QSOX2: variants seen among roughly 807,000 people sequenced by gnomAD.
QSOX2 encodes the protein sulfhydryl oxidase 2.
In QSOX2, 46 loss-of-function variants were observed where a neutral mutation model predicts 61.7. The observed-to-expected ratio is 0.75, with a 90% CI of 0.59 to 0.95. QSOX2 has a LOEUF of 0.95. Ranked by LOEUF, QSOX2 falls within the 40% of genes least tolerant of loss-of-function variation. The pLI, the probability that QSOX2 is intolerant of heterozygous loss-of-function variation, is 0.00. For synonymous variants in QSOX2, 383 were observed against 388.4 expected (o/e 0.99, Z 0.16); for missense variants, 879 against 918.9 (o/e 0.96, Z 0.56).
intron 1 of QSOX2, among the ~76,000 whole-genome samples, chr9:136,244,509 AAG>A (rs1246708866): frequency 2.0e-5 from 3 of 152,254 alleles, no homozygotes; most frequent in East Asian, 1.9e-4. Context: ...TGCAGGAAGA[AAG>A]AGTAGCAATT....
At chr9:136,237,620 A>G (rs1242125460) in intron 1 of QSOX2, among the ~76,000 whole-genome samples, 11 of 118,560 alleles carry the variant, frequency 9.3e-5, no homozygotes, top group African/African-American at 2.0e-4. Flanking sequence ...ATCCTGGGCC[A>G]GCGTCACCTG....
At chr9:136,232,721 C>T (rs1440686025) in intron 1 of QSOX2, among the ~76,000 whole-genome samples, 3 of 151,736 alleles carry the variant, frequency 2.0e-5, no homozygotes, top group Non-Finnish European at 4.4e-5. Flanking sequence ...ATCACTTGAG[C>T]CCAGGAGTTT....
chr9:136,237,044 C>A (rs1256029289), intron 1 of QSOX2, among the ~76,000 whole-genome samples: 2 of 138,290 alleles, frequency 1.4e-5, no homozygotes, highest in Non-Finnish European at 3.1e-5. Flanking sequence ...TCCTGTGCCA[C>A]ACCTGGTGCC....
At chr9:136,245,455 C>A in intron 1 of QSOX2, 21 bp downstream of exon 1, 1 of 1,575,004 alleles carries the variant, frequency 6.3e-7, no homozygotes, top group Non-Finnish European at 8.6e-7. Context: ...CGGGGGGTCC[C>A]CGCGCGGGGG....
At chr9:136,220,173 A>G in intron 6 of QSOX2, among the ~76,000 whole-genome samples, 1 of 152,218 alleles carries the variant, frequency 6.6e-6, no homozygotes, top group Admixed American at 6.5e-5. Flanking sequence ...ATGTAGCCAC[A>G]GACATACTCC....
chr9:136,224,639 A>G (rs1254024226), intron 3 of QSOX2, among the ~76,000 whole-genome samples: 2 of 152,222 alleles, frequency 1.3e-5, no homozygotes, highest in African/African-American at 4.8e-5. Flanking sequence ...TTACTCTGAA[A>G]AAGTTTTTAC....
chr9:136,235,902 C>T (rs1313959646), intron 1 of QSOX2, among the ~76,000 whole-genome samples: 7 of 152,196 alleles, frequency 4.6e-5, no homozygotes, highest in South Asian at 4.1e-4. Context: ...TTTTCATCAG[C>T]GACACTCTCT....
intron 8 of QSOX2, among the ~76,000 whole-genome samples, 194 bp downstream of exon 8, chr9:136,218,485 T>C (rs945523258): frequency 1.3e-5 from 2 of 152,230 alleles, no homozygotes; most frequent in Non-Finnish European, 2.9e-5. Flanking sequence ...GCCCCAGTGC[T>C]GGGAACAGCA....
intron 1 of QSOX2, among the ~76,000 whole-genome samples, chr9:136,241,970 C>G (rs930661003): frequency 2.0e-5 from 3 of 152,242 alleles, no homozygotes; most frequent in African/African-American, 7.2e-5. Context: ...TTTCGGAGAT[C>G]TCACCGGTCA....
intron 8 of QSOX2, among the ~76,000 whole-genome samples, chr9:136,217,949 G>A (rs1264594665): frequency 6.6e-6 from 1 of 152,248 alleles, no homozygotes; most frequent in Non-Finnish European, 1.5e-5. Flanking sequence ...AAATCACTTT[G>A]TAAGTAAACT....
rs1830467313 is a variant in QSOX2, at chr9:136,245,611, C to T, written c.193G>A (p.Val65Met). The T allele has an allele frequency of 4.5e-6, 7 of 1,551,982 alleles. No homozygotes were observed. The highest frequency in any genetic ancestry group is 1.2e-5 in the South Asian group (1 of 86,662). ...LYRAGEDAVW[V>M]LDSGSVRGAT... is the part of the protein sequence containing the mutation. The stretch of plus-strand genomic sequence containing the variant: ...CCGCGCACGCTGCCGCTGTCCAGCA[C>T]CCACACGGCGTCCTCGCCCGCGCGG... Residue 65 changes from valine (V) to methionine (M), a missense_variant, in exon 1 of 12, where the codon GTG becomes ATG. By Grantham distance (21) the Val-to-Met change is conservative. Transcript: ENST00000358701.
chr9:136,209,994 C>T lies in QSOX2; in HGVS notation c.1550-719G>A. ...CTGACACCTGGCCACCCTCACAGAG[C>T]TTCCAGAAGTGAATGTAAACACAAC... On this transcript the variant is annotated intron_variant, in intron 11 of 11. Transcript: ENST00000358701. The surrounding 1 kb of genome is among the most constrained non-coding windows in gnomAD (Gnocchi z 5.6). 1.0e-6 allele frequency: 1 copy of T among 985,456 alleles called. No homozygotes were observed. Among genetic ancestry groups the T allele is most frequent in the Non-Finnish European group, 1.2e-6 (1 of 829,934 alleles). 61.0% of individuals were successfully genotyped at this position (985,456 alleles called of 1,614,324 possible). A position where few individuals can be genotyped will look rare whatever the true frequency, so the allele number is the denominator to read the frequency against.
At chr9:136,215,516 A>G (rs1408388011) in intron 9 of QSOX2, among the ~76,000 whole-genome samples, 2 of 152,240 alleles carry the variant, frequency 1.3e-5, no homozygotes, top group Non-Finnish European at 2.9e-5. Flanking sequence ...CTCCTTTACT[A>G]AAGGAGCTCT....
chr9:136,219,757 G>A lies in QSOX2; in HGVS notation c.822-593C>T, dbSNP rs887240663. Among the ~76,000 whole-genome samples the A allele has an allele frequency of 4.6e-5, 7 of 152,320 alleles. 1 individual carries two copies. In the South Asian group the frequency reaches 1.5e-3, roughly 32 times the overall value. On this transcript the variant is annotated intron_variant, in intron 6 of 11. Transcript: ENST00000358701. ...GTGTGACGTGGAGCTTGTTTCCAAA[G>A]ACAGAATGTAGCAGTGCTATTTGCA...
intron 3 of QSOX2, among the ~76,000 whole-genome samples, chr9:136,224,383 G>T (rs184584878): frequency 6.6e-6 from 1 of 152,312 alleles, no homozygotes; most frequent in Non-Finnish European, 1.5e-5. Context: ...GGCAAGACAC[G>T]GCACTGCGAG....
intron 11 of QSOX2, chr9:136,210,922 T>C (rs977562980): frequency 1.0e-6 from 1 of 984,556 alleles, no homozygotes; most frequent in South Asian, 4.7e-5. Flanking sequence ...TCATCAAAAA[T>C]TAATTACGTT....
At chr9:136,216,780 C>A in intron 8 of QSOX2, 58 bp from the exon 9 acceptor site, 2 of 1,597,842 alleles carry the variant, frequency 1.3e-6, no homozygotes, top group Non-Finnish European at 1.7e-6. Context: ...CCGCCCCCAC[C>A]GCGGGGGGCA....
intron 6 of QSOX2, among the ~76,000 whole-genome samples, chr9:136,220,670 C>T (rs1831970185): frequency 6.6e-6 from 1 of 152,314 alleles, no homozygotes; most frequent in Admixed American, 6.5e-5. Context: ...GGGGCCCCTC[C>T]AGCCTCAGGA....
intron 10 of QSOX2, 54 bp from the exon 11 acceptor site, chr9:136,211,506 C>T: frequency 6.3e-7 from 1 of 1,575,700 alleles, no homozygotes; most frequent in Non-Finnish European, 8.7e-7. Flanking sequence ...ATCACCTGAC[C>T]CCACGCTTGT....
Sources: allele counts gnomAD v4.1 joint callset (sites outside exome capture counted in the v4.1 genomes callset), GRCh38; gene constraint gnomAD v4.1.1; non-coding constraint Gnocchi (gnomAD v3.1); transcripts MANE v1.5; gene names NCBI Gene and HGNC (gene_info 2026-07-23, HGNC 2026-07-21).